The following HOXB3 variants were observed in gnomAD, a reference collection of about 807,000 sequenced individuals.
HOXB3 encodes the protein homeobox B3.
A neutral mutation model predicts 29.2 loss-of-function variants in HOXB3; 17 were observed. The observed-to-expected ratio is 0.58, with a 90% CI of 0.40 to 0.87. The LOEUF is 0.87. Among genes scored for constraint, HOXB3 ranks in the 40% least tolerant of loss-of-function variants. The pLI, the probability that HOXB3 is intolerant of heterozygous loss-of-function variation, is 0.00. For synonymous variants in HOXB3, 317 were observed against 285.9 expected (o/e 1.11, Z -1.10); for missense variants, 637 against 616.3 (o/e 1.03, Z -0.35).
chr17:48,552,567 C>T lies in HOXB3; in HGVS notation c.-93G>A. On this transcript the variant is annotated 5_prime_UTR_variant, in exon 4 of 5. Transcript: ENST00000498678. ...GCAACCCTGGGGGTCACGTGACACGCCGGACCCCCCCCCCCCACCTCCCCT... is the reference window on the plus strand; with the variant it reads ...GCAACCCTGGGGGTCACGTGACACGTCGGACCCCCCCCCCCCACCTCCCCT... The T allele has an allele frequency of 1.2e-6, 1 of 865,826 alleles. No homozygotes were observed. The highest frequency in any genetic ancestry group is 1.7e-6 in the Non-Finnish European group (1 of 600,356). 53.6% of individuals were successfully genotyped at this position (865,826 alleles called of 1,614,324 possible).
chr17:48,577,883 C>T, intron 1 of HOXB3: 3 of 1,391,872 alleles, frequency 2.2e-6, no homozygotes, highest in Non-Finnish European at 9.4e-7. Context: ...GTGAACTTTG[C>T]GCATCCAGGG....
At chr17:48,575,723 T>C (rs1220457270) in intron 1 of HOXB3, 2 of 149,600 alleles carry the variant, frequency 1.3e-5, no homozygotes, top group Admixed American at 6.6e-5. Context: ...TGCAACATAA[T>C]AAACTATGGG....
At chr17:48,559,945 C>G (rs986991547) in intron 2 of HOXB3, 2 of 152,356 alleles carry the variant, frequency 1.3e-5, no homozygotes, top group Non-Finnish European at 2.9e-5. Context: ...CCTGAACATG[C>G]TAATGAGGGG....
Position 48,551,193 on chromosome 17 carries a change from G to A in HOXB3, c.449-12C>T, listed in dbSNP as rs1369790842. The stretch of plus-strand genomic sequence containing the variant: ...ACCACAGCCCTCTGCTGGATCCGAG[G>A]GGGAGGGGTGGGAAGGGGAGAAAAT... On this transcript the variant is annotated splice_polypyrimidine_tract_variant and intron_variant, in intron 4 of 4. Transcript: ENST00000498678. 7.8e-7 allele frequency: 1 copy of A among 1,285,510 alleles called. No homozygotes were observed. The highest frequency in any genetic ancestry group is 9.9e-7 in the Non-Finnish European group (1 of 1,015,162). The allele number at this position is 1,285,510 out of a possible 1,614,324, so 79.6% of individuals were successfully genotyped here. A position where few individuals can be genotyped will look rare whatever the true frequency, so the allele number is the denominator to read the frequency against.
At chr17:48,586,685 G>T (rs1250236111) in intron 1 of HOXB3, among the ~76,000 whole-genome samples, 1 of 152,054 alleles carries the variant, frequency 6.6e-6, no homozygotes, top group South Asian at 2.1e-4. Flanking sequence ...ACTCATTTGC[G>T]CCTCCTTCCT....
At chr17:48,583,011 G>T (rs967328578) in intron 1 of HOXB3, among the ~76,000 whole-genome samples, 2 of 152,206 alleles carry the variant, frequency 1.3e-5, no homozygotes, top group Non-Finnish European at 2.9e-5. Context: ...CTAAATGCCT[G>T]TATGGCCAGG....
rs778683908 is a variant in HOXB3, at chr17:48,550,899, T to C, written c.731A>G (p.Lys244Arg). The change falls in exon 5 of 5, where the codon AAG becomes AGG. Residue 244 changes from lysine to arginine, a missense_variant. Physicochemically the swap from Lys to Arg is conservative, Grantham distance 26. Transcript: ENST00000498678. ...IWFQNRRMKY[K>R]KDQKAKGLAS... ...CAATCCCTTGGCCTTCTGGTCCTTCTTGTACTTCATGCGCCGGTTCTGGAA... is the reference window on the plus strand; with the variant it reads ...CAATCCCTTGGCCTTCTGGTCCTTCCTGTACTTCATGCGCCGGTTCTGGAA... 1 of 1,613,816 alleles carries C rather than the reference T, an allele frequency of 6.2e-7. No homozygotes were observed. Among genetic ancestry groups the C allele is most frequent in the African/African-American group, 1.3e-5 (1 of 74,874 alleles).
At position 48,550,723 on chromosome 17, in the gene HOXB3, C is replaced by G; in HGVS notation, c.907G>C (p.Ala303Pro). Reference protein sequence around the residue: ...AFGKAHQNAYALPSNYQPPLK... With the variant: ...AFGKAHQNAYPLPSNYQPPLK... ...GGGGGCTGGTAGTTGGAGGGCAGCG[C>G]GTAGGCATTCTGGTGGGCTTTACCG... The change falls in exon 5 of 5, where the codon GCG becomes CCG. Residue 303 changes from alanine (A) to proline (P), a missense_variant. Transcript: ENST00000498678. The G allele has an allele frequency of 6.4e-7, 1 of 1,570,238 alleles. No individual in the cohort carries two copies. The highest frequency in any genetic ancestry group is 1.4e-5 in the African/African-American group (1 of 73,948).
intron 1 of HOXB3, chr17:48,578,382 T>G: frequency 1.3e-6 from 2 of 1,554,058 alleles, no homozygotes; most frequent in East Asian, 2.4e-5. Flanking sequence ...CTCGTTTTCC[T>G]GTTTCCGAAA....
At chr17:48,570,059 G>C (rs973799010) in intron 2 of HOXB3, among the ~76,000 whole-genome samples, 5 of 152,064 alleles carry the variant, frequency 3.3e-5, no homozygotes, top group Admixed American at 3.3e-4. Flanking sequence ...CTGGAGATTT[G>C]AACAGGAGAG....
chr17:48,555,365 G>GGA (rs1256601622), intron 3 of HOXB3, 166 bp downstream of exon 3: 1 of 128,096 alleles, frequency 7.8e-6, no homozygotes, highest in African/African-American at 8.4e-5. Context: ...AGAGAGAGAG[G>GGA]GAGGGAGGGA....
At chr17:48,561,785 T>C (rs1009934836) in intron 2 of HOXB3, among the ~76,000 whole-genome samples, 18 of 152,238 alleles carry the variant, frequency 1.2e-4, no homozygotes, top group Non-Finnish European at 2.2e-4. Context: ...CCAGCTTGGC[T>C]ATGTGACATG....
intron 2 of HOXB3, among the ~76,000 whole-genome samples, chr17:48,563,951 C>A (rs1371190683): frequency 2.6e-5 from 4 of 151,952 alleles, no homozygotes; most frequent in African/African-American, 7.3e-5. Context: ...CCTTTCTGAG[C>A]GGGAGGGCTC....
chr17:48,576,585 G>A (rs1567963025), intron 1 of HOXB3: 1 of 695,948 alleles, frequency 1.4e-6, no homozygotes, highest in South Asian at 2.2e-5. Context: ...GCGTTTATTC[G>A]TATATAAAGT....
chr17:48,582,417 G>T (rs1430801003), intron 1 of HOXB3: 1 of 152,152 alleles, frequency 6.6e-6, no homozygotes, highest in African/African-American at 2.4e-5. Context: ...ACAGCCACGG[G>T]CTCCCTCAGA....
chr17:48,551,978 T>C lies in HOXB3; in HGVS notation c.448+49A>G, dbSNP rs765482226. ...GCTGGGTGCTAGAATAACAGTGACATTCCTGGCTCCGACAAAAGCTGAGGA... is the reference window on the plus strand; with the variant it reads ...GCTGGGTGCTAGAATAACAGTGACACTCCTGGCTCCGACAAAAGCTGAGGA... On this transcript the variant is annotated intron_variant, in intron 4 of 4. Transcript: ENST00000498678. 25 of 1,507,292 alleles carry C rather than the reference T, an allele frequency of 1.7e-5. No individual in the cohort carries two copies. The African/African-American group carries it at 2.9e-4, about 18-fold the overall frequency. The allele number at this position is 1,507,292 out of a possible 1,614,324, so 93.4% of individuals were successfully genotyped here.
At chr17:48,582,349 G>C (rs916659286) in intron 1 of HOXB3, 4 of 152,310 alleles carry the variant, frequency 2.6e-5, no homozygotes, top group African/African-American at 9.7e-5. Context: ...CCGGGCAACA[G>C]CTGAGCTCTC....
intron 4 of HOXB3, 51 bp from the exon 5 acceptor site, chr17:48,551,232 A>G (rs759690299): frequency 7.9e-7 from 1 of 1,266,036 alleles, no homozygotes; most frequent in Admixed American, 3.2e-5. Flanking sequence ...ATAAAAGATA[A>G]TTACTGAACA....
chr17:48,583,354 G>A (rs1294951697), intron 1 of HOXB3, among the ~76,000 whole-genome samples: 1 of 152,166 alleles, frequency 6.6e-6, no homozygotes, highest in East Asian at 1.9e-4. Context: ...ACCCACACAA[G>A]GAGGTTCAGG....
Sources: gnomAD v4.1 joint callset for allele counts (sites outside exome capture counted in the v4.1 genomes callset) on GRCh38, gnomAD v4.1.1 for gene constraint, MANE v1.5 for transcripts, NCBI Gene and HGNC (gene_info 2026-07-23, HGNC 2026-07-21) for gene names.